Variants in MYH11 observed in about 807,000 individuals in gnomAD.
MYH11 encodes the protein myosin-11.
A neutral mutation model predicts 246.6 loss-of-function variants in MYH11; 80 were observed. The observed-to-expected ratio is 0.32, with a 90% confidence interval of 0.27 to 0.39. The LOEUF is 0.39. Among genes scored for constraint, MYH11 ranks in the 10% least tolerant of loss-of-function variants. MYH11 has a pLI of 1.00. For synonymous variants in MYH11, 1,071 were observed against 1,015.5 expected, an observed-to-expected ratio of 1.05 and a Z score of -1.04; for missense variants, 2,158 against 2,546.8, an observed-to-expected ratio of 0.85 and a Z score of 3.29.
At position 15,780,421 on chromosome 16, in the gene MYH11, G is replaced by A. The variant is rs553808452; in HGVS notation, c.727-1578C>T. Among the ~76,000 whole-genome samples the A allele has an allele frequency of 1.8e-3, 247 of 135,068 alleles. 1 individual carries two copies. Among genetic ancestry groups the A allele is most frequent in the South Asian group, 2.5e-3 (10 of 4,068 alleles). The allele number at this position is 135,068 out of a possible 152,430, so 88.6% of individuals were successfully genotyped here. A position where few individuals can be genotyped will look rare whatever the true frequency, so the allele number is the denominator to read the frequency against. On this transcript the variant is annotated intron_variant, in intron 6 of 40. Coordinates refer to ENST00000300036, the MANE Select transcript of MYH11 (RefSeq NM_002474.3). ...CTGCCACTCATGGAGGTAAAAATCT[G>A]TTTGTAATTAGCCAGGCTTAGAACC...
intron 7 of MYH11, among the ~76,000 whole-genome samples, chr16:15,777,229 C>T (rs1228814844): frequency 6.6e-6 from 1 of 152,168 alleles, no homozygotes; most frequent in East Asian, 1.9e-4. Flanking sequence ...CCAAGCAATT[C>T]TCCTGCCTCA....
chr16:15,730,431 A>G (rs1292697623), intron 27 of MYH11, among the ~76,000 whole-genome samples: 1 of 151,650 alleles, frequency 6.6e-6, no homozygotes, highest in Non-Finnish European at 1.5e-5. Flanking sequence ...AGTCCCAGCT[A>G]CTTGGGAGGC....
At chr16:15,817,371 A>T (rs1342237433) in intron 3 of MYH11, among the ~76,000 whole-genome samples, 2 of 152,084 alleles carry the variant, frequency 1.3e-5, no homozygotes, top group African/African-American at 4.8e-5. Flanking sequence ...GTGTGCCTGT[A>T]GTCCCAGCTA....
chr16:15,771,055 T>C (rs1024404417), intron 9 of MYH11, among the ~76,000 whole-genome samples: 1 of 151,274 alleles, frequency 6.6e-6, no homozygotes, highest in African/African-American at 2.4e-5. Context: ...AGTGGAGTGG[T>C]GTAATCTTGG....
At chr16:15,741,308 G>T in intron 22 of MYH11, 155 bp downstream of exon 22, 1 of 839,192 alleles carries the variant, frequency 1.2e-6, no homozygotes, top group Non-Finnish European at 2.0e-6. Flanking sequence ...CCCAATCCCA[G>T]CTGTGTGGCC....
At chr16:15,773,002 T>C (rs1596814139) in intron 8 of MYH11, among the ~76,000 whole-genome samples, 1 of 152,176 alleles carries the variant, frequency 6.6e-6, no homozygotes, top group African/African-American at 2.4e-5. Flanking sequence ...TTTCATTGTA[T>C]ATTACAATGT....
At chr16:15,809,070 C>A (rs561859455) in intron 3 of MYH11, among the ~76,000 whole-genome samples, 26 of 152,154 alleles carry the variant, frequency 1.7e-4, no homozygotes, top group African/African-American at 6.3e-4. Context: ...CCTAGCCAAG[C>A]CTACACTTCA....
At chr16:15,843,182 C>T (rs1456135874) in intron 1 of MYH11, among the ~76,000 whole-genome samples, 3 of 151,456 alleles carry the variant, frequency 2.0e-5, no homozygotes, top group Non-Finnish European at 4.4e-5. Flanking sequence ...CCAGCCTGGT[C>T]AACATGGGAA....
intron 24 of MYH11, among the ~76,000 whole-genome samples, 181 bp downstream of exon 24, chr16:15,738,384 A>G (rs2151245582): frequency 6.6e-6 from 1 of 152,156 alleles, no homozygotes; most frequent in Middle Eastern, 3.4e-3. Flanking sequence ...GTGGTGATGC[A>G]CGCCTGTAGT....
At chr16:15,706,087 G>C (rs1291110087) in intron 40 of MYH11, among the ~76,000 whole-genome samples, 1 of 151,964 alleles carries the variant, frequency 6.6e-6, no homozygotes, top group Non-Finnish European at 1.5e-5. Flanking sequence ...AGAGACCCCG[G>C]CTGGGAAAGC....
rs1596675911 is a variant in MYH11, at chr16:15,708,964, T to G, written c.5787-4841A>C. 31 of 1,038,748 alleles carry G rather than the reference T, an allele frequency of 3.0e-5. No homozygotes were observed. The East Asian group carries it at 8.0e-4, about 27-fold the overall frequency. The allele number at this position is 1,038,748 out of a possible 1,614,324, so 64.3% of individuals were successfully genotyped here. A position where few individuals can be genotyped will look rare whatever the true frequency, so the allele number is the denominator to read the frequency against. On this transcript the variant is annotated intron_variant, in intron 40 of 40. Coordinates refer to ENST00000300036, the MANE Select transcript of MYH11 (RefSeq NM_002474.3). ...AATAATTAAAGGCACTCTTTTTTATTTTGAGATAGTCTCTGTCACCCAGGC... is the reference window on the plus strand; with the variant it reads ...AATAATTAAAGGCACTCTTTTTTATGTTGAGATAGTCTCTGTCACCCAGGC...
intron 18 of MYH11, 70 bp from the exon 19 acceptor site, chr16:15,747,800 G>C: frequency 6.2e-7 from 1 of 1,612,530 alleles, no homozygotes; most frequent in Admixed American, 1.7e-5. Context: ...ACATGGGTAA[G>C]AACGGTCCCA....
intron 14 of MYH11, 28 bp downstream of exon 14, chr16:15,756,313 A>G: frequency 6.2e-7 from 1 of 1,612,858 alleles, no homozygotes. Flanking sequence ...CCCCTGAGAC[A>G]GAGTCCCCTG....
In MYH11 at chr16:15,719,596, G is replaced by T. The variant is rs1217430188; in HGVS notation, c.5071C>A (p.Gln1691Lys). ...AGGCGAGGCTTTACCTCTTGTAGCT[G>T]CATGAGGTCTGCTTCCAAGCTCTTG... ...KAKSLEADLMQLQEDLAAAER... is the reference protein window; with the variant it reads ...KAKSLEADLMKLQEDLAAAER... Residue 1691 changes from glutamine (Q) to lysine (K), a missense_variant, in exon 35 of 41, where the codon CAG becomes AAG. By Grantham distance (53) the Gln-to-Lys change is moderately conservative (BLOSUM62 1). This residue lies in a region of MYH11 where 1,013 missense variants were observed against 993.5 expected (regional missense o/e 1.02). Transcript: ENST00000300036. 6.2e-7 allele frequency: 1 copy of T among 1,614,182 alleles called. No individual in the cohort carries two copies. The highest frequency in any genetic ancestry group is 1.1e-5 in the South Asian group (1 of 91,084).
At chr16:15,847,365 C>T (rs2044220363) in intron 1 of MYH11, among the ~76,000 whole-genome samples, 1 of 151,912 alleles carries the variant, frequency 6.6e-6, no homozygotes. Flanking sequence ...ATCCTCCCAC[C>T]CCAGCCTCCC....
At chr16:15,732,216 G>T (rs1026346817) in intron 27 of MYH11, among the ~76,000 whole-genome samples, 2 of 152,106 alleles carry the variant, frequency 1.3e-5, no homozygotes, top group African/African-American at 4.8e-5. Flanking sequence ...ACCCAGTTTG[G>T]CCTCCCAAAG....
intron 3 of MYH11, among the ~76,000 whole-genome samples, chr16:15,808,706 C>A (rs773155690): frequency 4.0e-5 from 6 of 151,686 alleles, no homozygotes; most frequent in Non-Finnish European, 8.8e-5. Context: ...AGACTCAAAG[C>A]GAGACCCCTA....
intron 3 of MYH11, among the ~76,000 whole-genome samples, chr16:15,801,032 C>A (rs1475333397): frequency 2.0e-5 from 3 of 151,402 alleles, no homozygotes; most frequent in Non-Finnish European, 4.4e-5. Context: ...ATGGTGAAAC[C>A]CCATCTCCAC....
chr16:15,756,242 C>T lies in MYH11; in HGVS notation c.1749+99G>A, dbSNP rs559032362. 12 of 1,384,694 alleles carry T rather than the reference C, an allele frequency of 8.7e-6. No individual in the cohort carries two copies. In the African/African-American group the frequency reaches 1.7e-4, roughly 20 times the overall value. The allele number at this position is 1,384,694 out of a possible 1,614,324, so 85.8% of individuals were successfully genotyped here. A position where few individuals can be genotyped will look rare whatever the true frequency, so the allele number is the denominator to read the frequency against. On this transcript the variant is annotated intron_variant, in intron 14 of 40. Transcript: ENST00000300036. ...TTAGCAGCAGATGGCTTTGCAGTTT[C>T]CAGGCAGCCCAAGGTTCTGCCACTC...
Sources: allele counts gnomAD v4.1 joint callset (sites outside exome capture counted in the v4.1 genomes callset), GRCh38; gene constraint gnomAD v4.1.1; regional missense constraint gnomAD v4.1.1; transcripts MANE v1.5; gene names NCBI Gene and HGNC (gene_info 2026-07-23, HGNC 2026-07-21).